Variants in PRKG1 observed in about 807,000 individuals in gnomAD.
PRKG1 encodes the protein protein kinase cGMP-dependent 1.
Under a neutral mutation model 88.1 loss-of-function variants are expected in PRKG1, and 35 were observed. The ratio of observed to expected loss-of-function variants is 0.40; its 90% CI spans 0.30 to 0.53. The LOEUF is 0.53. PRKG1 is among the 20% of genes least tolerant of loss of function. The pLI, the probability that PRKG1 is intolerant of heterozygous loss-of-function variation, is 0.59. For synonymous variants in PRKG1, 303 were observed against 292.5 expected, an observed-to-expected ratio of 1.04 and a Z score of -0.37; for missense variants, 540 against 839.8, an observed-to-expected ratio of 0.64 and a Z score of 4.41.
chr10:51,908,851 T>A (rs1842152089), intron 5 of PRKG1: 1 of 151,980 alleles, frequency 6.6e-6, no homozygotes, highest in Non-Finnish European at 1.5e-5. Flanking sequence ...TGACTCGGCC[T>A]CCTGAGTAGT....
intron 1 of PRKG1, among the ~76,000 whole-genome samples, chr10:51,008,789 GAA>G (rs1842964034): frequency 6.6e-6 from 1 of 151,808 alleles, no homozygotes; most frequent in Non-Finnish European, 1.5e-5. Flanking sequence ...TGAGCCCATG[GAA>G]AAAAAAGATT....
intron 3 of PRKG1, among the ~76,000 whole-genome samples, chr10:51,761,546 G>A (rs1309368012): frequency 6.6e-6 from 1 of 152,206 alleles, no homozygotes; most frequent in African/African-American, 2.4e-5. Context: ...TGTGAAAAAT[G>A]CATATCCAGA....
intron 3 of PRKG1, among the ~76,000 whole-genome samples, chr10:51,758,028 C>T (rs1827178672): frequency 6.6e-6 from 1 of 152,092 alleles, no homozygotes. Context: ...CTACTGTTTA[C>T]TCTGCAACTG....
intron 5 of PRKG1, among the ~76,000 whole-genome samples, chr10:51,948,941 G>T (rs76493877): frequency 0.024 from 3,586 of 152,218 alleles, 126 homozygotes; most frequent in African/African-American, 0.078. Context: ...CTATTTGTGT[G>T]CATGTTTTTG....
chr10:51,693,203 A>G (rs530588533), intron 3 of PRKG1, among the ~76,000 whole-genome samples: 145 of 149,350 alleles, frequency 9.7e-4, no homozygotes, highest in African/African-American at 3.5e-3. Flanking sequence ...CAGGGAAATC[A>G]CTTAAACCCA....
At chr10:51,477,271 T>A (rs868664720) in intron 3 of PRKG1, among the ~76,000 whole-genome samples, 1 of 150,660 alleles carries the variant, frequency 6.6e-6, no homozygotes, top group Admixed American at 6.7e-5. Context: ...ATATTTATAA[T>A]CTAGTTGGAA....
chr10:51,531,231 T>C (rs61849823), intron 3 of PRKG1, among the ~76,000 whole-genome samples: 19,001 of 152,260 alleles, frequency 0.12, 1,643 homozygotes, highest in Admixed American at 0.23. Flanking sequence ...TTGTTTGCCT[T>C]TAAATTGAAG....
chr10:51,423,412 C>T (rs762066394), intron 2 of PRKG1, among the ~76,000 whole-genome samples: 2 of 152,082 alleles, frequency 1.3e-5, no homozygotes, highest in Non-Finnish European at 2.9e-5. Context: ...CTTTGTCTTC[C>T]TTGTTCCTCC....
intron 7 of PRKG1, among the ~76,000 whole-genome samples, chr10:52,074,941 G>T (rs1846592941): frequency 6.6e-6 from 1 of 152,156 alleles, no homozygotes; most frequent in Admixed American, 6.5e-5. Context: ...ACAATGAAAT[G>T]GAAATGAGAA....
chr10:51,737,703 ATT>A (rs1326234393), intron 3 of PRKG1, among the ~76,000 whole-genome samples: 1 of 138,134 alleles, frequency 7.2e-6, no homozygotes, highest in African/African-American at 2.8e-5. Flanking sequence ...AGGACTCTAT[ATT>A]TTTATTTATT....
intron 2 of PRKG1, among the ~76,000 whole-genome samples, chr10:51,296,990 G>A (rs1840737855): frequency 6.6e-6 from 1 of 151,920 alleles, no homozygotes; most frequent in Admixed American, 6.6e-5. Context: ...CATTCCTTTT[G>A]GGAGGATATT....
chr10:51,989,453 A>G (rs1317739618), intron 5 of PRKG1, among the ~76,000 whole-genome samples: 1 of 152,052 alleles, frequency 6.6e-6, no homozygotes, highest in African/African-American at 2.4e-5. Context: ...ATTCAAGGTC[A>G]AGTCAATGAC....
intron 9 of PRKG1, among the ~76,000 whole-genome samples, chr10:52,249,473 G>GT (rs1841117179): frequency 6.6e-6 from 1 of 151,994 alleles, no homozygotes; most frequent in Non-Finnish European, 1.5e-5. Context: ...TAAATTAATT[G>GT]TTTTTAAAAG....
chr10:52,108,495 G>A (rs1381460337), intron 7 of PRKG1, among the ~76,000 whole-genome samples: 3 of 152,146 alleles, frequency 2.0e-5, no homozygotes, highest in African/African-American at 7.2e-5. Context: ...GCTTAGGAGT[G>A]AGTCCAAGTA....
intron 6 of PRKG1, among the ~76,000 whole-genome samples, chr10:52,061,395 T>G (rs1846231541): frequency 1.3e-5 from 2 of 152,088 alleles, no homozygotes; most frequent in Non-Finnish European, 2.9e-5. Context: ...AGAAATTAGT[T>G]TTTTTACTTC....
chr10:52,251,839 G>T, intron 10 of PRKG1, 173 bp downstream of exon 10: 1 of 555,916 alleles, frequency 1.8e-6, no homozygotes, highest in East Asian at 3.0e-5. Flanking sequence ...GACACAAAGT[G>T]GGCTAAATTA....
chr10:51,430,830 C>A (rs538645272), intron 2 of PRKG1, among the ~76,000 whole-genome samples: 1 of 152,158 alleles, frequency 6.6e-6, no homozygotes, highest in South Asian at 2.1e-4. Flanking sequence ...GGGAAAGAAG[C>A]CAGATGAAAA....
intron 4 of PRKG1, among the ~76,000 whole-genome samples, chr10:51,826,787 A>C (rs1408777979): frequency 6.6e-6 from 1 of 152,172 alleles, no homozygotes; most frequent in African/African-American, 2.4e-5. Flanking sequence ...CCTGTTAATC[A>C]TCAAGAAAGG....
At chr10:52,008,476 A>G (rs1366754086) in intron 5 of PRKG1, among the ~76,000 whole-genome samples, 2 of 152,138 alleles carry the variant, frequency 1.3e-5, no homozygotes, top group African/African-American at 4.8e-5. Context: ...CAGAAGAACC[A>G]TCAGAGACTA....
Sources: allele counts gnomAD v4.1 joint callset (sites outside exome capture counted in the v4.1 genomes callset), GRCh38; gene constraint gnomAD v4.1.1; transcripts MANE v1.5; gene names NCBI Gene and HGNC (gene_info 2026-07-23, HGNC 2026-07-21).